Variants in TPP2 observed in about 807,000 individuals in gnomAD.
The protein encoded by TPP2 is tripeptidyl-peptidase 2.
TPP2 carries 34 observed loss-of-function variants against 155.9 expected under a neutral mutation model. The ratio of observed to expected loss-of-function variants is 0.22; its 90% confidence interval spans 0.17 to 0.29. The LOEUF (loss-of-function observed/expected upper bound fraction) is 0.29. Ranked by LOEUF, TPP2 falls within the 10% of genes least tolerant of loss-of-function variation. The probability of loss-of-function intolerance (pLI) is 1.00; values close to 1 mark genes in which losing one functional copy is unlikely to be tolerated. For missense variants in TPP2, 1,028 were observed against 1,522.3 expected (o/e 0.68, Z 5.40); for synonymous variants, 510 against 529.4 (o/e 0.96, Z 0.50).
At chr13:102,612,182 T>C (rs1035326220) in intron 2 of TPP2, among the ~76,000 whole-genome samples, 1 of 152,182 alleles carries the variant, frequency 6.6e-6, no homozygotes, top group Non-Finnish European at 1.5e-5. Context: ...GCATGGTACT[T>C]AGATGCAGTG....
chr13:102,647,640 A>G (rs1055150907), intron 21 of TPP2, among the ~76,000 whole-genome samples: 3 of 152,052 alleles, frequency 2.0e-5, no homozygotes, highest in Admixed American at 6.6e-5. Flanking sequence ...CACTGATTCT[A>G]CCTATCTGAA....
At chr13:102,661,019 A>G (rs1374668368) in intron 25 of TPP2, among the ~76,000 whole-genome samples, 1 of 152,170 alleles carries the variant, frequency 6.6e-6, no homozygotes, top group Non-Finnish European at 1.5e-5. Context: ...TGAAACTACA[A>G]AACTCAATGA....
intron 10 of TPP2, among the ~76,000 whole-genome samples, chr13:102,632,940 A>G (rs1035193362): frequency 3.3e-5 from 5 of 152,200 alleles, no homozygotes; most frequent in African/African-American, 1.2e-4. Context: ...GATGGTTCCT[A>G]AAAGAGGTGC....
rs754577784 is a variant in TPP2, at chr13:102,663,634, T to C, written c.3144-14T>C. On this transcript the variant is annotated splice_polypyrimidine_tract_variant and intron_variant, in intron 25 of 29. Transcript: ENST00000376052. ...AGAAAAAAGTAAATATTTCTCTCCTTCTTACATACATAGGCTGGATTCTAG... is the reference window on the plus strand; with the variant it reads ...AGAAAAAAGTAAATATTTCTCTCCTCCTTACATACATAGGCTGGATTCTAG... 7.7e-6 allele frequency: 12 copies of C among 1,553,608 alleles called. No individual in the cohort carries two copies. The highest frequency in any genetic ancestry group is 4.2e-5 in the African/African-American group (3 of 71,866).
intron 1 of TPP2, among the ~76,000 whole-genome samples, chr13:102,598,695 G>A (rs924077990): frequency 4.6e-5 from 7 of 152,160 alleles, no homozygotes; most frequent in Non-Finnish European, 8.8e-5. Context: ...TGGTTCACCG[G>A]TTCTTTTGTC....
intron 2 of TPP2, among the ~76,000 whole-genome samples, chr13:102,609,080 A>G (rs1880065568): frequency 6.6e-6 from 1 of 152,172 alleles, no homozygotes; most frequent in Non-Finnish European, 1.5e-5. Context: ...AGGAGTGAGC[A>G]AGAAGTCTGG....
intron 6 of TPP2, among the ~76,000 whole-genome samples, chr13:102,624,007 A>T (rs546102362): frequency 4.6e-5 from 7 of 152,298 alleles, no homozygotes; most frequent in African/African-American, 1.4e-4. Flanking sequence ...GTTAAATTGC[A>T]TGTAGTTGGT....
At position 102,622,893 on chromosome 13, in the gene TPP2, A is replaced by C. The variant is rs914682170; in HGVS notation, c.637A>C (p.Asn213His). Residue 213 changes from asparagine to histidine, a missense_variant, in exon 6 of 30, where the codon AAT becomes CAT. Physicochemically the swap from Asn to His is moderately conservative, Grantham distance 68 (BLOSUM62 1). Coordinates refer to ENST00000376052, the MANE Select transcript of TPP2 (RefSeq NM_001330588.2). ...GEVWRACIDSNEDGDLSKSTV... is the reference protein window; with the variant it reads ...GEVWRACIDSHEDGDLSKSTV... ...AATTAATAGAGCCTGCATTGATTCT[A>C]ATGAAGATGGGGACTTGAGTAAATC... The C allele has an allele frequency of 6.2e-7, 1 of 1,611,276 alleles. No homozygotes were observed. Among genetic ancestry groups the C allele is most frequent in the Non-Finnish European group, 8.5e-7 (1 of 1,179,282 alleles).
At chr13:102,674,698 A>G (rs532814963) in intron 28 of TPP2, among the ~76,000 whole-genome samples, 4 of 152,216 alleles carry the variant, frequency 2.6e-5, no homozygotes, top group Non-Finnish European at 5.9e-5. Flanking sequence ...TGGCTGTTAA[A>G]CCACAATAAT....
At chr13:102,652,011 G>A (rs1883526453) in intron 24 of TPP2, among the ~76,000 whole-genome samples, 2 of 152,134 alleles carry the variant, frequency 1.3e-5, no homozygotes, top group South Asian at 4.1e-4. Context: ...CAGCCTCTCT[G>A]CAGCATATTA....
At chr13:102,618,547 G>C (rs41281650) in intron 4 of TPP2, among the ~76,000 whole-genome samples, 175 bp from the exon 5 acceptor site, 1 of 152,058 alleles carries the variant, frequency 6.6e-6, no homozygotes, top group Non-Finnish European at 1.5e-5. Flanking sequence ...TGTATTAATG[G>C]GTATCTGCTT....
chr13:102,602,029 T>A (rs182339694), intron 1 of TPP2, among the ~76,000 whole-genome samples: 78 of 152,368 alleles, frequency 5.1e-4, no homozygotes, highest in African/African-American at 1.9e-3. Context: ...GAGATCTATC[T>A]GACTTGTTAG....
At position 102,663,547 on chromosome 13, in the gene TPP2, T is replaced by C. The variant is rs555891850; in HGVS notation, c.3144-101T>C. 74 of 770,306 alleles carry C rather than the reference T, an allele frequency of 9.6e-5. No individual in the cohort carries two copies. The African/African-American group carries it at 1.2e-3, about 13-fold the overall frequency. 47.7% of individuals were successfully genotyped at this position (770,306 alleles called of 1,614,324 possible). ...ACTTGTATTTCAAATTAATGTCTTA[T>C]TTTATTGGCTTAAACTTCCAAACAA... On this transcript the variant is annotated intron_variant, in intron 25 of 29. Transcript: ENST00000376052.
Position 102,676,387 on chromosome 13 carries a change from CA to C in TPP2, c.3675del (p.Glu1226LysfsTer9). 4 of 1,610,658 alleles carry C rather than the reference CA, an allele frequency of 2.5e-6. No homozygotes were observed. The highest frequency in any genetic ancestry group is 3.4e-6 in the Non-Finnish European group (4 of 1,177,822). ...FATKLVEEKPTKENWKNCIQL... is the reference protein window; with the variant it reads ...FATKLVEEKPXKENWKNCIQL... The stretch of plus-strand genomic sequence containing the variant: ...ACTAAACTTGTGGAAGAAAAACCAA[CA>C]AAAGAAAACTGGAAAAATTGTATTC... On this transcript the variant is annotated frameshift_variant, in exon 29 of 30. Transcript: ENST00000376052. LOFTEE classifies it high-confidence loss of function.
Position 102,643,352 on chromosome 13 carries a change from A to G in TPP2, c.2151A>G (p.Thr717=). 6.2e-7 allele frequency: 1 copy of G among 1,608,246 alleles called. No individual in the cohort carries two copies. The highest frequency in any genetic ancestry group is 8.5e-7 in the Non-Finnish European group (1 of 1,178,348). Residue 717 remains threonine (T), a synonymous_variant, in exon 17 of 30, where the codon ACA becomes ACG. Transcript: ENST00000376052. ...YKFCSLPEKG[T]LTEAFPVLGG... ...TTTGTTCTCTTCCAGAGAAAGGAAC[A>G]CTGACTGAAGCTTTTCCTGTCCTAG... is the stretch of plus-strand genomic sequence containing the variant.
chr13:102,678,035 AG>A lies in TPP2; in HGVS notation c.3700-190del, dbSNP rs561580814. ...TGATGAGAACAATAGGTTGGTTGGT[AG>A]GAAAGTTGGTTGATAGTAAGAAAAG... On this transcript the variant is annotated intron_variant, in intron 29 of 29. Transcript: ENST00000376052. Among the ~76,000 whole-genome samples the A allele has an allele frequency of 9.8e-4, 149 of 152,314 alleles. 1 individual carries two copies. Among genetic ancestry groups the A allele is most frequent in the African/African-American group, 3.2e-3 (131 of 41,576 alleles).
At chr13:102,598,281 C>T (rs1879141763) in intron 1 of TPP2, among the ~76,000 whole-genome samples, 1 of 152,162 alleles carries the variant, frequency 6.6e-6, no homozygotes, top group South Asian at 2.1e-4. Flanking sequence ...CTATCTTATC[C>T]TCCTTTCTAC....
chr13:102,669,713 A>C (rs551579958), intron 27 of TPP2, among the ~76,000 whole-genome samples: 33 of 151,552 alleles, frequency 2.2e-4, no homozygotes, highest in Non-Finnish European at 4.1e-4. Context: ...CGTTTAGATA[A>C]ATTTGTCCAA....
chr13:102,616,253 G>A (rs552610986), intron 3 of TPP2, 143 bp from the exon 4 acceptor site: 16 of 575,430 alleles, frequency 2.8e-5, no homozygotes, highest in African/African-American at 1.3e-4. Flanking sequence ...CACCACACCC[G>A]GCCAAAAATG....
Sources: gnomAD v4.1 joint callset for allele counts (sites outside exome capture counted in the v4.1 genomes callset) on GRCh38, gnomAD v4.1.1 for gene constraint, MANE v1.5 for transcripts, NCBI Gene and HGNC (gene_info 2026-07-23, HGNC 2026-07-21) for gene names.